Variants in SMAP1 observed in about 807,000 individuals in gnomAD.
SMAP1 encodes the protein small ArfGAP 1.
Under a neutral mutation model 58.5 loss-of-function variants are expected in SMAP1, and 24 were observed. That is an observed-to-expected ratio of 0.41 (90% CI 0.30 to 0.58). The LOEUF is 0.58. Ranked by LOEUF, SMAP1 falls within the 20% of genes least tolerant of loss-of-function variation. SMAP1 has a pLI of 0.29. For synonymous variants in SMAP1, 216 were observed against 196.6 expected, an observed-to-expected ratio of 1.10 and a Z score of -0.82; for missense variants, 563 against 566.3, an observed-to-expected ratio of 0.99 and a Z score of 0.06.
chr6:70,799,738 G>GAA (rs1228682928), intron 6 of SMAP1, among the ~76,000 whole-genome samples: 1 of 152,124 alleles, frequency 6.6e-6, no homozygotes, highest in Non-Finnish European at 1.5e-5. Context: ...ATGCTGCTTT[G>GAA]AAACTTTTGT....
intron 6 of SMAP1, among the ~76,000 whole-genome samples, chr6:70,833,584 T>C (rs1437905588): frequency 6.6e-6 from 1 of 152,220 alleles, no homozygotes; most frequent in Non-Finnish European, 1.5e-5. Flanking sequence ...TTCTCATTCA[T>C]AATCTGACCA....
Position 70,808,940 on chromosome 6 carries a change from G to GTGTA in SMAP1, c.576+10204_576+10205insGTAT, listed in dbSNP as rs1319181594. On this transcript the variant is annotated intron_variant, in intron 6 of 10. Transcript: ENST00000370455. Reference sequence around the variant, plus strand: ...TGTGTGTGTGTGTGTGTGTGTGTGTGTACACACTTACTGGTTTCTTGCATA... The same window carrying GTGTA: ...TGTGTGTGTGTGTGTGTGTGTGTGTGTGTATACACACTTACTGGTTTCTTGCATA... 7.9e-5 allele frequency among the ~76,000 whole-genome samples: 11 copies of GTGTA among 139,374 alleles called. No homozygotes were observed. In the East Asian group the frequency reaches 2.2e-3, roughly 28 times the overall value. The allele number at this position is 139,374 out of a possible 152,430, so 91.4% of individuals were successfully genotyped here. A position where few individuals can be genotyped will look rare whatever the true frequency, so the allele number is the denominator to read the frequency against.
rs529029050 is a variant in SMAP1, at chr6:70,853,820, G to A, written c.789+1156G>A. ...GCATAGGTGTACATGTGACAAAATT[G>A]TCTAATATTGTGTCTTTGGAAAGAA... On this transcript the variant is annotated intron_variant, in intron 8 of 10. Coordinates refer to ENST00000370455, the MANE Select transcript of SMAP1 (RefSeq NM_001044305.3). Among the ~76,000 whole-genome samples, 4 of 152,288 alleles carry A rather than the reference G, an allele frequency of 2.6e-5. No homozygotes were observed. The South Asian group carries it at 8.3e-4, about 32-fold the overall frequency.
rs2149832516 is a variant in SMAP1, at chr6:70,705,106, A to G, written c.119-27272A>G. On this transcript the variant is annotated intron_variant, in intron 1 of 10. Coordinates refer to ENST00000370455, the MANE Select transcript of SMAP1 (RefSeq NM_001044305.3). ...CCACATTTTTGATGACAGTGAGTCA[A>G]TGAATGAGTGAATGAACAATTAAGC... 2.0e-5 allele frequency among the ~76,000 whole-genome samples: 3 copies of G among 152,350 alleles called. 1 individual carries two copies. The South Asian group carries it at 6.2e-4, about 32-fold the overall frequency.
intron 6 of SMAP1, among the ~76,000 whole-genome samples, chr6:70,828,417 T>C (rs1770226076): frequency 6.6e-6 from 1 of 152,210 alleles, no homozygotes; most frequent in Non-Finnish European, 1.5e-5. Context: ...TTAGAAAATG[T>C]ATCTCAGATA....
intron 6 of SMAP1, among the ~76,000 whole-genome samples, chr6:70,814,072 A>G (rs1769506623): frequency 6.6e-6 from 1 of 152,114 alleles, no homozygotes; most frequent in East Asian, 1.9e-4. Flanking sequence ...AAATGATTGC[A>G]CCTATTTATA....
chr6:70,810,178 C>T (rs1477472946), intron 6 of SMAP1, among the ~76,000 whole-genome samples: 1 of 151,978 alleles, frequency 6.6e-6, no homozygotes, highest in East Asian at 1.9e-4. Flanking sequence ...TCTTTCTTTT[C>T]TTTTTCTTGA....
intron 4 of SMAP1, among the ~76,000 whole-genome samples, chr6:70,788,164 A>T (rs1332737248): frequency 6.6e-6 from 1 of 151,802 alleles, no homozygotes; most frequent in Non-Finnish European, 1.5e-5. Flanking sequence ...CATGGATGAA[A>T]CTGGAAACCA....
chr6:70,670,827 A>G (rs1212449539), intron 1 of SMAP1, among the ~76,000 whole-genome samples: 2 of 152,222 alleles, frequency 1.3e-5, no homozygotes, highest in Non-Finnish European at 2.9e-5. Context: ...TAGTTGGTAG[A>G]GGTATGTCAA....
intron 1 of SMAP1, chr6:70,694,148 C>T (rs1246031601): frequency 5.5e-6 from 2 of 362,498 alleles, no homozygotes; most frequent in South Asian, 2.5e-5. Context: ...TTGAATGCTA[C>T]ATCCAGTATC....
At position 70,861,020 on chromosome 6, in the gene SMAP1, C is replaced by G. The variant is rs1771699748; in HGVS notation, c.*686C>G. On this transcript the variant is annotated 3_prime_UTR_variant, in exon 11 of 11. Coordinates refer to ENST00000370455, the MANE Select transcript of SMAP1 (RefSeq NM_001044305.3). ...TGAAGACCTTTTTCTGCACTATATG[C>G]AAACAGGGTAACTAACTAAAACAAA... is the stretch of plus-strand genomic sequence containing the variant. 1 of 268,546 alleles carries G rather than the reference C, an allele frequency of 3.7e-6. No homozygotes were observed. The highest frequency in any genetic ancestry group is 1.7e-4 in the South Asian group (1 of 5,842). The allele number at this position is 268,546 out of a possible 1,614,324, so 16.6% of individuals were successfully genotyped here.
chr6:70,723,751 A>G (rs1446653410), intron 1 of SMAP1, among the ~76,000 whole-genome samples: 1 of 152,180 alleles, frequency 6.6e-6, no homozygotes, highest in African/African-American at 2.4e-5. Context: ...AATCTTTGTG[A>G]GGTGAATGCA....
Position 70,668,806 on chromosome 6 carries a change from A to G in SMAP1, c.118+665A>G, listed in dbSNP as rs1766147033. 4 of 1,422,450 alleles carry G rather than the reference A, an allele frequency of 2.8e-6. No individual in the cohort carries two copies. In the Admixed American group the frequency reaches 8.6e-5, roughly 30 times the overall value. 88.1% of individuals were successfully genotyped at this position (1,422,450 alleles called of 1,614,324 possible). ...TTTAGTCTGGTTATTAGCCAGAATG[A>G]AGAGGAATTTCATTACATGAGTCTC... On this transcript the variant is annotated intron_variant, in intron 1 of 10. Transcript: ENST00000370455.
At chr6:70,730,798 T>A (rs4404740) in intron 1 of SMAP1, among the ~76,000 whole-genome samples, 66,102 of 152,016 alleles carry the variant, frequency 0.43, 14,745 homozygotes, top group South Asian at 0.5. Context: ...AAAAGCTTTA[T>A]TTTTAATTTT....
chr6:70,831,766 C>T (rs1028987350), intron 6 of SMAP1, among the ~76,000 whole-genome samples: 2 of 152,096 alleles, frequency 1.3e-5, no homozygotes, highest in Non-Finnish European at 2.9e-5. Flanking sequence ...AATTTTTATT[C>T]TCTTGGGCAT....
At chr6:70,850,536 GTACATA>G (rs1429793619) in intron 7 of SMAP1, among the ~76,000 whole-genome samples, 1 of 150,960 alleles carries the variant, frequency 6.6e-6, no homozygotes, top group East Asian at 1.9e-4. Flanking sequence ...TTTAAAATTT[GTACATA>G]TATAAGTATA....
chr6:70,785,827 A>G (rs1393876138), intron 4 of SMAP1, among the ~76,000 whole-genome samples: 1 of 152,210 alleles, frequency 6.6e-6, no homozygotes, highest in Non-Finnish European at 1.5e-5. Context: ...ACCAACCAAA[A>G]AGAGTTCAGG....
chr6:70,798,222 A>G (rs763915261), intron 5 of SMAP1, among the ~76,000 whole-genome samples: 6 of 151,448 alleles, frequency 4.0e-5, no homozygotes, highest in African/African-American at 7.3e-5. Context: ...ATATTTGCCT[A>G]TTATAATTTA....
chr6:70,709,342 C>CT (rs958576045), intron 1 of SMAP1, among the ~76,000 whole-genome samples: 3 of 151,572 alleles, frequency 2.0e-5, no homozygotes, highest in East Asian at 1.9e-4. Context: ...CTTTATAATA[C>CT]TTTTTTTTTC....
Sources: allele counts gnomAD v4.1 joint callset (sites outside exome capture counted in the v4.1 genomes callset), GRCh38; gene constraint gnomAD v4.1.1; transcripts MANE v1.5; gene names NCBI Gene and HGNC (gene_info 2026-07-23, HGNC 2026-07-21).